Variants in CIST1 observed in about 807,000 individuals in gnomAD.
CIST1 encodes the protein colon, intestine and stomach enriched 1.
chr19:18,255,413 C>T, the CIST1 span: 7 of 397,194 alleles, frequency 1.8e-5, no homozygotes, highest in Admixed American at 1.8e-4. This position sits in a 1 kb window ranked among gnomAD's most constrained non-coding sequence, Gnocchi z 4.6. Context: ...GCTGGCGGAG[C>T]GCGGGGCTGT....
the CIST1 span, among the ~76,000 whole-genome samples, chr19:18,250,984 C>T: frequency 0.025 from 3,796 of 152,262 alleles, 169 homozygotes; most frequent in African/African-American, 0.087. Context: ...CCATGTTGCC[C>T]AGGCTGGTCT....
the CIST1 span, among the ~76,000 whole-genome samples, chr19:18,253,743 C>T: frequency 1.3e-5 from 2 of 152,300 alleles, no homozygotes; most frequent in South Asian, 2.1e-4. Context: ...GGAACCCACC[C>T]TTCTACGTGT....
the CIST1 span, among the ~76,000 whole-genome samples, chr19:18,254,624 C>T: frequency 6.6e-6 from 1 of 152,180 alleles, no homozygotes; most frequent in African/African-American, 2.4e-5. Context: ...ATGAGCATTT[C>T]AGCAGCCATG....
At chr19:18,250,617 G>C in the CIST1 span, 1 of 394,994 alleles carries the variant, frequency 2.5e-6, no homozygotes, top group Non-Finnish European at 4.5e-6. Context: ...TTTTAATCAT[G>C]TATTTTAGAG....
the CIST1 span, among the ~76,000 whole-genome samples, chr19:18,254,604 C>T: frequency 2.0e-5 from 3 of 152,176 alleles, no homozygotes; most frequent in Non-Finnish European, 2.9e-5. Context: ...GAATGAAACC[C>T]TTCCCTGCAA....
the CIST1 span, chr19:18,252,581 A>G: frequency 7.5e-6 from 3 of 397,710 alleles, no homozygotes; most frequent in Non-Finnish European, 1.3e-5. Flanking sequence ...CCTGGGCAAC[A>G]TAGCGAGACC....
chr19:18,252,254 T>A, the CIST1 span: 4,544 of 398,858 alleles, frequency 0.011, 198 homozygotes, highest in African/African-American at 0.085. Context: ...GGGAGGAGGG[T>A]ATCATCCTTG....
At chr19:18,253,375 C>G in the CIST1 span, among the ~76,000 whole-genome samples, 31 of 152,046 alleles carry the variant, frequency 2.0e-4, no homozygotes, top group African/African-American at 6.7e-4. Context: ...ATAATGAGAC[C>G]TTGTCTCTAC....
At chr19:18,252,339 T>C in the CIST1 span, 2 of 398,806 alleles carry the variant, frequency 5.0e-6, no homozygotes, top group Non-Finnish European at 4.4e-6. Context: ...GGTTATGGAG[T>C]CTGTCTCCAA....
chr19:18,255,194 A>G, the CIST1 span: 17 of 396,896 alleles, frequency 4.3e-5, no homozygotes, highest in Non-Finnish European at 7.1e-5. The surrounding 1 kb of genome is among the most constrained non-coding windows in gnomAD (Gnocchi z 4.6). Flanking sequence ...GCTTTCTGGA[A>G]GCTGAGCCTC....
chr19:18,253,185 T>C, the CIST1 span, among the ~76,000 whole-genome samples: 1 of 152,074 alleles, frequency 6.6e-6, no homozygotes, highest in African/African-American at 2.4e-5. Flanking sequence ...TTCTTTTCTG[T>C]AAAATGGAGT....
the CIST1 span, chr19:18,252,575 G>A: frequency 2.5e-6 from 1 of 397,880 alleles, no homozygotes; most frequent in East Asian, 3.6e-5. Context: ...GACCAGCCTG[G>A]GCAACATAGC....
At chr19:18,255,316 C>T in the CIST1 span, 1,486 of 398,834 alleles carry the variant, frequency 3.7e-3, 13 homozygotes, top group African/African-American at 0.024. This position sits in a 1 kb window ranked among gnomAD's most constrained non-coding sequence, Gnocchi z 4.6. Flanking sequence ...ATTCCTGCGC[C>T]GGGAGGGCCT....
chr19:18,252,691 C>T, the CIST1 span, among the ~76,000 whole-genome samples: 1 of 151,914 alleles, frequency 6.6e-6, no homozygotes, highest in East Asian at 1.9e-4. Context: ...CATCTCAGCT[C>T]ACTGCAACCT....
the CIST1 span, among the ~76,000 whole-genome samples, chr19:18,253,183 T>C: frequency 6.6e-6 from 1 of 152,138 alleles, no homozygotes; most frequent in African/African-American, 2.4e-5. Flanking sequence ...TTTTCTTTTC[T>C]GTAAAATGGA....
chr19:18,253,815 G>C, the CIST1 span, among the ~76,000 whole-genome samples: 19 of 152,316 alleles, frequency 1.2e-4, no homozygotes, highest in Admixed American at 7.2e-4. Flanking sequence ...ACCAGGCTGA[G>C]GGCAGGTAAG....
At chr19:18,254,913 T>C in the CIST1 span, among the ~76,000 whole-genome samples, 1 of 152,336 alleles carries the variant, frequency 6.6e-6, no homozygotes, top group South Asian at 2.1e-4. Context: ...CCTTTGGGGA[T>C]TGGCTAAAAG....
At chr19:18,251,068 G>T in the CIST1 span, among the ~76,000 whole-genome samples, 1 of 151,510 alleles carries the variant, frequency 6.6e-6, no homozygotes, top group South Asian at 2.1e-4. Flanking sequence ...GGGCCACTGA[G>T]CCCAGCCTAA....
At chr19:18,251,901 A>T in the CIST1 span, among the ~76,000 whole-genome samples, 1 of 151,910 alleles carries the variant, frequency 6.6e-6, no homozygotes, top group Non-Finnish European at 1.5e-5. Flanking sequence ...CTAGGCACTT[A>T]ATAAATGCGC....
Sources: gnomAD v4.1 joint callset for allele counts (sites outside exome capture counted in the v4.1 genomes callset) on GRCh38, gnomAD v4.1.1 for gene constraint, Gnocchi (gnomAD v3.1) non-coding constraint, MANE v1.5 for transcripts, NCBI Gene and HGNC (gene_info 2026-07-23, HGNC 2026-07-21) for gene names.